NHERF4: variants seen among roughly 807,000 people sequenced by gnomAD.
The protein encoded by NHERF4 is Na(+)/H(+) exchange regulatory cofactor NHE-RF4.
At chr11:119,189,068 A>G in the NHERF4 span, 1 of 1,614,112 alleles carries the variant, frequency 6.2e-7, no homozygotes, top group Non-Finnish European at 8.5e-7. The surrounding 1 kb of genome is among the most constrained non-coding windows in gnomAD (Gnocchi z 5.8). Flanking sequence ...TCTGGAAGTG[A>G]ACGGGTATCC....
At chr11:119,190,207 A>T in the NHERF4 span, 12 of 1,224,576 alleles carry the variant, frequency 9.8e-6, no homozygotes, top group East Asian at 2.6e-4. The surrounding 1 kb of genome is among the most constrained non-coding windows in gnomAD (Gnocchi z 4.2). Context: ...TAAAAATAAA[A>T]ATAAGATCCA....
chr11:119,189,648 GCCCACC>G, the NHERF4 span: 2 of 794,088 alleles, frequency 2.5e-6, no homozygotes, highest in Non-Finnish European at 4.3e-6. The surrounding 1 kb of genome is among the most constrained non-coding windows in gnomAD (Gnocchi z 5.8). Flanking sequence ...CTTCCTGCAG[GCCCACC>G]TGCCAGCAGA....
At chr11:119,188,063 C>G in the NHERF4 span, 2 of 1,552,312 alleles carry the variant, frequency 1.3e-6, no homozygotes, top group Non-Finnish European at 1.7e-6. Flanking sequence ...GCCCACCAAG[C>G]CCCGCTGCCT....
the NHERF4 span, chr11:119,189,242 A>T: frequency 6.3e-7 from 1 of 1,578,774 alleles, no homozygotes. This position sits in a 1 kb window ranked among gnomAD's most constrained non-coding sequence, Gnocchi z 5.8. Flanking sequence ...GTGAGTAGCT[A>T]CAGAGGGCAG....
the NHERF4 span, chr11:119,189,273 C>A: frequency 1.5e-5 from 23 of 1,533,832 alleles, no homozygotes; most frequent in Non-Finnish European, 1.9e-5. This position sits in a 1 kb window ranked among gnomAD's most constrained non-coding sequence, Gnocchi z 5.8. Context: ...GAAAGAAGGG[C>A]AGAGTGGGCG....
chr11:119,185,523 G>A, the NHERF4 span: 9 of 1,613,584 alleles, frequency 5.6e-6, no homozygotes, highest in Non-Finnish European at 7.6e-6. Flanking sequence ...AGGAGGCCAG[G>A]AGAAATCCTC....
chr11:119,186,721 C>T, the NHERF4 span: 6 of 1,560,774 alleles, frequency 3.8e-6, no homozygotes, highest in East Asian at 9.1e-5. The surrounding 1 kb of genome is among the most constrained non-coding windows in gnomAD (Gnocchi z 4.4). Context: ...AGCATGCTAG[C>T]ACCTCAGAAA....
the NHERF4 span, chr11:119,189,570 GCTCT>G: frequency 2.6e-6 from 4 of 1,514,924 alleles, no homozygotes; most frequent in South Asian, 2.2e-5. This position sits in a 1 kb window ranked among gnomAD's most constrained non-coding sequence, Gnocchi z 5.8. Context: ...AAGGCAGGAT[GCTCT>G]CTCTAAGCCA....
At chr11:119,187,825 C>G in the NHERF4 span, 19 of 1,461,870 alleles carry the variant, frequency 1.3e-5, no homozygotes, top group South Asian at 2.6e-4. Context: ...CCATCCTCCC[C>G]CTCTACAGTT....
chr11:119,189,197 G>C, the NHERF4 span: 1 of 1,607,960 alleles, frequency 6.2e-7, no homozygotes, highest in Non-Finnish European at 8.5e-7. The surrounding 1 kb of genome is among the most constrained non-coding windows in gnomAD (Gnocchi z 5.8). Flanking sequence ...TCCCCCTGGG[G>C]CTGCAGAGGT....
chr11:119,187,219 G>C, the NHERF4 span: 27 of 1,439,770 alleles, frequency 1.9e-5, no homozygotes, highest in Non-Finnish European at 2.3e-5. Context: ...AGGTCCTGGG[G>C]GTTGGCAAGA....
At chr11:119,188,786 C>G in the NHERF4 span, 3 of 1,614,114 alleles carry the variant, frequency 1.9e-6, no homozygotes, top group Non-Finnish European at 2.5e-6. Context: ...CCCGACAGTG[C>G]TTCCTGTACC....
the NHERF4 span, chr11:119,185,882 A>T: frequency 6.2e-7 from 1 of 1,613,256 alleles, no homozygotes. Context: ...TCTGGGGAGA[A>T]GAATGTGACT....
the NHERF4 span, chr11:119,188,883 T>C: frequency 2.5e-6 from 4 of 1,613,090 alleles, no homozygotes; most frequent in East Asian, 2.2e-5. Flanking sequence ...TGATGCCCCA[T>C]GGATCTTGAA....
the NHERF4 span, chr11:119,187,224 G>C: frequency 6.8e-7 from 1 of 1,463,266 alleles, no homozygotes; most frequent in Middle Eastern, 1.8e-4. Context: ...CTGGGGGTTG[G>C]CAAGAGGGTC....
At chr11:119,186,289 A>G in the NHERF4 span, 1 of 1,603,644 alleles carries the variant, frequency 6.2e-7, no homozygotes, top group Non-Finnish European at 8.5e-7. This position sits in a 1 kb window ranked among gnomAD's most constrained non-coding sequence, Gnocchi z 4.4. Context: ...GGTTGGGAGT[A>G]GAGATAGGAG....
the NHERF4 span, chr11:119,187,990 G>A: frequency 3.2e-6 from 5 of 1,574,230 alleles, no homozygotes; most frequent in South Asian, 1.2e-5. Flanking sequence ...GGCCAGAGGT[G>A]GAAGAACAGT....
chr11:119,185,691 C>T, the NHERF4 span: 1 of 765,878 alleles, frequency 1.3e-6, no homozygotes, highest in Non-Finnish European at 2.3e-6. Flanking sequence ...ACACCCTGTA[C>T]TGATATGCTC....
At chr11:119,188,504 G>A in the NHERF4 span, 1 of 1,607,236 alleles carries the variant, frequency 6.2e-7, no homozygotes, top group Middle Eastern at 1.7e-4. Flanking sequence ...GGGCTCCTGT[G>A]TCTCCCTCAC....
Sources: allele counts gnomAD v4.1 joint callset, GRCh38; gene constraint gnomAD v4.1.1; non-coding constraint Gnocchi (gnomAD v3.1); transcripts MANE v1.5; gene names NCBI Gene and HGNC (gene_info 2026-07-23, HGNC 2026-07-21).